MAPT: variants seen among roughly 807,000 people sequenced by gnomAD.
MAPT encodes microtubule-associated protein tau.
MAPT carries 34 observed loss-of-function variants against 67.9 expected under a neutral mutation model. The observed-to-expected ratio is 0.50, with a 90% CI of 0.38 to 0.67. The LOEUF (loss-of-function observed/expected upper bound fraction) is 0.67, where lower values mean the gene tolerates loss of function less well. Ranked by LOEUF, MAPT falls within the 30% of genes least tolerant of loss-of-function variation. MAPT has a pLI of 0.00. For synonymous variants in MAPT, 456 were observed against 464.5 expected, an observed-to-expected ratio of 0.98 and a Z score of 0.23; for missense variants, 881 against 1,115.2, an observed-to-expected ratio of 0.79 and a Z score of 2.99.
At chr17:45,979,318 T>C (rs2072712117) in intron 4 of MAPT, 1 of 152,234 alleles carries the variant, frequency 6.6e-6, no homozygotes, top group South Asian at 2.1e-4. Flanking sequence ...ATTTGCTAGA[T>C]AAATGAACTT....
intron 1 of MAPT, among the ~76,000 whole-genome samples, chr17:45,953,059 A>T (rs2069249728): frequency 6.6e-6 from 1 of 151,946 alleles, no homozygotes; most frequent in South Asian, 2.1e-4. Context: ...ATTGCCCTGA[A>T]GGGTCACAGA....
At chr17:46,011,677 T>C (rs142830308) in intron 10 of MAPT, among the ~76,000 whole-genome samples, 68 of 152,216 alleles carry the variant, frequency 4.5e-4, no homozygotes, top group African/African-American at 1.5e-3. Flanking sequence ...GTGGGAGGCG[T>C]TGATTTTTGA....
chr17:45,974,187 C>T, intron 3 of MAPT: 1 of 618,238 alleles, frequency 1.6e-6, no homozygotes, highest in Non-Finnish European at 2.9e-6. Flanking sequence ...TGAGCCAGAA[C>T]CACTCAGCAG....
chr17:45,934,316 C>G (rs894597637), intron 1 of MAPT, among the ~76,000 whole-genome samples: 16 of 152,074 alleles, frequency 1.1e-4, no homozygotes, highest in Non-Finnish European at 2.1e-4. Context: ...TCTAGCCTGG[C>G]TGACAGAGCA....
chr17:45,950,751 C>T (rs1194873866), intron 1 of MAPT, among the ~76,000 whole-genome samples: 7 of 152,126 alleles, frequency 4.6e-5, no homozygotes, highest in African/African-American at 1.7e-4. Flanking sequence ...CAACCTCTCC[C>T]TCCTGGGTTC....
chr17:45,976,121 C>T (rs2072317150), intron 3 of MAPT: 1 of 152,324 alleles, frequency 6.6e-6, no homozygotes, highest in Non-Finnish European at 1.5e-5. Flanking sequence ...CTCCCATGCA[C>T]TCTGACCTGT....
intron 1 of MAPT, among the ~76,000 whole-genome samples, chr17:45,930,236 CAAAAACAAAA>C (rs2066718120): frequency 6.6e-6 from 1 of 151,978 alleles, no homozygotes; most frequent in Non-Finnish European, 1.5e-5. Flanking sequence ...CTTGTCTCTA[CAAAAACAAAA>C]CAAAACAAAA....
intron 1 of MAPT, among the ~76,000 whole-genome samples, chr17:45,957,856 GAAA>G (rs67811127): frequency 6.8e-6 from 1 of 146,600 alleles, no homozygotes; most frequent in Non-Finnish European, 1.5e-5. Flanking sequence ...GAATTTGCAG[GAAA>G]AAAAAAAATG....
At position 45,983,698 on chromosome 17, in the gene MAPT, C is replaced by A; in HGVS notation, c.1119C>A (p.Pro373=). 6.2e-7 allele frequency: 1 copy of A among 1,614,126 alleles called. No homozygotes were observed. Residue 373 remains proline, a synonymous_variant, in exon 5 of 13, where the codon CCC becomes CCA. Transcript: ENST00000262410. ...GGCGGGCCAAAGGGCAGGATGCCCC[C>A]CTGGAGTTCACGTTTCACGTGGAAA... ...SVGRAKGQDA[P]LEFTFHVEIT... is the part of the protein sequence containing the mutation.
intron 2 of MAPT, among the ~76,000 whole-genome samples, chr17:45,964,647 G>T (rs1284353173): frequency 1.3e-5 from 2 of 151,776 alleles, no homozygotes; most frequent in Non-Finnish European, 2.9e-5. Context: ...TCCCACCACT[G>T]CACTCCAGCC....
chr17:45,986,514 A>G (rs1224941587), intron 5 of MAPT, among the ~76,000 whole-genome samples: 1 of 152,192 alleles, frequency 6.6e-6, no homozygotes, highest in Admixed American at 6.5e-5. Context: ...GGCACCTCAC[A>G]GGGAATCAGG....
At chr17:45,951,135 A>G (rs1212619367) in intron 1 of MAPT, among the ~76,000 whole-genome samples, 2 of 152,256 alleles carry the variant, frequency 1.3e-5, no homozygotes, top group African/African-American at 4.8e-5. Flanking sequence ...GACTTCCCTT[A>G]TACGAAATAT....
chr17:46,005,106 G>A (rs956080972), intron 9 of MAPT, among the ~76,000 whole-genome samples: 1 of 152,212 alleles, frequency 6.6e-6, no homozygotes, highest in African/African-American at 2.4e-5. Flanking sequence ...TTCTAAGTAT[G>A]TGGCAGATAC....
intron 8 of MAPT, chr17:45,994,080 G>A (rs2074283655): frequency 2.7e-6 from 3 of 1,121,284 alleles, no homozygotes; most frequent in East Asian, 2.6e-5. Context: ...TGCAATGCAG[G>A]GTTCACACAG....
At chr17:45,963,844 G>A (rs1366703582) in intron 2 of MAPT, among the ~76,000 whole-genome samples, 1 of 152,168 alleles carries the variant, frequency 6.6e-6, no homozygotes, top group Non-Finnish European at 1.5e-5. Context: ...AGGACTGGTT[G>A]GGAGGCACGT....
Position 46,010,528 on chromosome 17 carries a change from G to A in MAPT, c.2091+126G>A, listed in dbSNP as rs2075753842. Reference sequence around the variant, plus strand: ...TCTTGGGCTCTCAGGATCTGGCTGCGACCTCTGGGTGAATGTAGCCCGGCT... The same window carrying A: ...TCTTGGGCTCTCAGGATCTGGCTGCAACCTCTGGGTGAATGTAGCCCGGCT... On this transcript the variant is annotated intron_variant, in intron 10 of 12. Transcript: ENST00000262410. This position sits in a 1 kb window ranked among gnomAD's most constrained non-coding sequence, Gnocchi z 4.7. 4.0e-6 allele frequency: 3 copies of A among 756,996 alleles called. No individual in the cohort carries two copies. Among genetic ancestry groups the A allele is most frequent in the Middle Eastern group, 2.3e-4 (1 of 4,414 alleles). 46.9% of individuals were successfully genotyped at this position (756,996 alleles called of 1,614,324 possible).
Position 45,971,963 on chromosome 17 carries a change from C to T in MAPT, c.220+18C>T, listed in dbSNP as rs75242405. The T allele has an allele frequency of 0.19, 303,328 of 1,601,192 alleles. 32,694 individuals carry two copies. The highest frequency in any genetic ancestry group is 0.22 in the Non-Finnish European group (259,878 of 1,168,634). ...AGCGGAAGGTGGGCCCCCCTTCAGA[C>T]GCCCCCTCCATGCCTCCAGCCTGTG... On this transcript the variant is annotated intron_variant, in intron 3 of 12. Transcript: ENST00000262410. This position sits in a 1 kb window ranked among gnomAD's most constrained non-coding sequence, Gnocchi z 4.3.
At chr17:45,941,696 T>TCCTTCCC (rs1568207819) in intron 1 of MAPT, among the ~76,000 whole-genome samples, 1 of 9,680 alleles carries the variant, frequency 1.0e-4, no homozygotes, top group African/African-American at 1.9e-4. Context: ...CCTTCCTTCC[T>TCCTTCCC]TCCTGCCTGC....
chr17:46,013,143 C>T (rs531655231), intron 10 of MAPT, among the ~76,000 whole-genome samples: 1 of 152,346 alleles, frequency 6.6e-6, no homozygotes, highest in East Asian at 1.9e-4. Flanking sequence ...GCCATGAAGC[C>T]AGCTGTCTCC....
Sources: allele counts gnomAD v4.1 joint callset (sites outside exome capture counted in the v4.1 genomes callset), GRCh38; gene constraint gnomAD v4.1.1; non-coding constraint Gnocchi (gnomAD v3.1); transcripts MANE v1.5; gene names NCBI Gene and HGNC (gene_info 2026-07-23, HGNC 2026-07-21).